The following ADAP1 variants were observed in gnomAD, a reference collection of about 807,000 sequenced individuals.
ADAP1 encodes the protein ArfGAP with dual PH domains 1, also known as arf-GAP with dual PH domain-containing protein 1.
A neutral mutation model predicts 54.9 loss-of-function variants in ADAP1; 31 were observed. That is an observed-to-expected ratio of 0.56 (90% confidence interval 0.42 to 0.76). The LOEUF is 0.76. ADAP1 is among the 30% of genes least tolerant of loss of function. The pLI, the probability that ADAP1 is intolerant of heterozygous loss-of-function variation, is 0.00. For synonymous variants in ADAP1, 313 were observed against 202.6 expected, an observed-to-expected ratio of 1.55 and a Z score of -4.63; for missense variants, 535 against 512.4, an observed-to-expected ratio of 1.04 and a Z score of -0.42.
At chr7:930,739 A>G (rs1031064504) in intron 2 of ADAP1, among the ~76,000 whole-genome samples, 1 of 151,724 alleles carries the variant, frequency 6.6e-6, no homozygotes, top group African/African-American at 2.4e-5. Flanking sequence ...GAATCGCTTG[A>G]ATGTGGGAGG....
intron 4 of ADAP1, among the ~76,000 whole-genome samples, chr7:910,321 C>T (rs1845672594): frequency 6.6e-6 from 1 of 151,992 alleles, no homozygotes; most frequent in Non-Finnish European, 1.5e-5. Context: ...ACTATCACAG[C>T]TCACTGCAGC....
intron 6 of ADAP1, among the ~76,000 whole-genome samples, chr7:901,893 G>A (rs1192260220): frequency 1.3e-5 from 2 of 150,420 alleles, no homozygotes; most frequent in Non-Finnish European, 3.0e-5. Context: ...CAGGTCCCCC[G>A]GAAATGCAGG....
intron 2 of ADAP1, among the ~76,000 whole-genome samples, chr7:931,459 G>A (rs1846574336): frequency 6.6e-6 from 1 of 152,192 alleles, no homozygotes; most frequent in Non-Finnish European, 1.5e-5. Flanking sequence ...TGGCACCGCG[G>A]GAAAGGAGTC....
intron 4 of ADAP1, among the ~76,000 whole-genome samples, chr7:916,584 C>G (rs536752395): frequency 6.6e-6 from 1 of 152,130 alleles, no homozygotes; most frequent in African/African-American, 2.4e-5. Flanking sequence ...AGGAGTGGAG[C>G]GAGGGGTGTG....
chr7:904,961 G>T, intron 5 of ADAP1, 99 bp downstream of exon 5: 1 of 1,017,188 alleles, frequency 9.8e-7, no homozygotes, highest in South Asian at 1.3e-5. Context: ...GCAGCAGGGA[G>T]GGCAGCTGCG....
intron 6 of ADAP1, among the ~76,000 whole-genome samples, chr7:902,831 C>T (rs374355625): frequency 9.9e-5 from 15 of 152,228 alleles, no homozygotes; most frequent in Admixed American, 1.3e-4. Flanking sequence ...GCGGGACAAA[C>T]GTACTAGGAT....
chr7:944,975 C>T (rs1045595684), intron 1 of ADAP1, among the ~76,000 whole-genome samples: 4 of 152,190 alleles, frequency 2.6e-5, no homozygotes, highest in African/African-American at 9.6e-5. Context: ...ACCTCGGAAG[C>T]CCTTGAAGGC....
rs761108673 is a variant in ADAP1 at position 946,000 on chromosome 7, A to G, written c.82+8396T>C. Reference sequence around the variant, plus strand: ...TGACGCACAGCAGAGATCCCGGTGCAATCGAGGCCGGGTCGGACGCTGGCT... The same window carrying G: ...TGACGCACAGCAGAGATCCCGGTGCGATCGAGGCCGGGTCGGACGCTGGCT... On this transcript the variant is annotated intron_variant, in intron 1 of 10. Coordinates refer to ENST00000265846, the MANE Select transcript of ADAP1 (RefSeq NM_006869.4). This position sits in a 1 kb window ranked among gnomAD's most constrained non-coding sequence, Gnocchi z 4.2. 7.2e-5 allele frequency among the ~76,000 whole-genome samples: 11 copies of G among 152,212 alleles called. No homozygotes were observed. The highest frequency in any genetic ancestry group is 1.5e-4 in the Non-Finnish European group (10 of 68,018).
intron 1 of ADAP1, among the ~76,000 whole-genome samples, chr7:944,606 A>G (rs528680739): frequency 1.2e-4 from 18 of 152,258 alleles, no homozygotes; most frequent in South Asian, 8.3e-4. Flanking sequence ...AGAGGTGTAT[A>G]TATTTATGGG....
At chr7:950,276 G>A (rs1204064894) in intron 1 of ADAP1, among the ~76,000 whole-genome samples, 1 of 152,088 alleles carries the variant, frequency 6.6e-6, no homozygotes. Flanking sequence ...ACAAGGTCAG[G>A]AGATCGAGAC....
At position 920,840 on chromosome 7, in the gene ADAP1, C is replaced by T. The variant is rs1039627506; in HGVS notation, c.306-790G>A. ...CGACCCACACACAGGCCCGGCACGG[C>T]CCAGGTGCACAGGCAGCCGCCCCAG... On this transcript the variant is annotated intron_variant, in intron 3 of 10. Transcript: ENST00000265846. This position sits in a 1 kb window ranked among gnomAD's most constrained non-coding sequence, Gnocchi z 4.5. The T allele has an allele frequency of 6.5e-7, 1 of 1,550,214 alleles. No individual in the cohort carries two copies. The highest frequency in any genetic ancestry group is 8.7e-7 in the Non-Finnish European group (1 of 1,146,894).
At chr7:911,097 A>G (rs149803019) in intron 4 of ADAP1, among the ~76,000 whole-genome samples, 176 of 152,284 alleles carry the variant, frequency 1.2e-3, no homozygotes, top group African/African-American at 4.2e-3. Flanking sequence ...GCTGAGAACC[A>G]GCGGGCCGTA....
intron 4 of ADAP1, among the ~76,000 whole-genome samples, chr7:908,390 G>C (rs893299019): frequency 6.6e-6 from 1 of 152,150 alleles, no homozygotes; most frequent in Non-Finnish European, 1.5e-5. Context: ...CCCTCGGGGA[G>C]GGGGCCCTGG....
rs933123881 is a variant in ADAP1, at chr7:938,908, C to A, written c.83-3403G>T. On this transcript the variant is annotated intron_variant, in intron 1 of 10. Coordinates refer to ENST00000265846, the MANE Select transcript of ADAP1 (RefSeq NM_006869.4). This position sits in a 1 kb window ranked among gnomAD's most constrained non-coding sequence, Gnocchi z 4.4. ...GGCTGAGCAACGGCCACCAACAGCT[C>A]CCGCCCAGCCCAGGGTCCAGAATGC... is the stretch of plus-strand genomic sequence containing the variant. Among the ~76,000 whole-genome samples, 5 of 152,336 alleles carry A rather than the reference C, an allele frequency of 3.3e-5. No homozygotes were observed. Among genetic ancestry groups the A allele is most frequent in the East Asian group, 1.9e-4 (1 of 5,188 alleles).
At chr7:944,824 G>T (rs1847098551) in intron 1 of ADAP1, among the ~76,000 whole-genome samples, 1 of 151,958 alleles carries the variant, frequency 6.6e-6, no homozygotes, top group East Asian at 1.9e-4. Flanking sequence ...TCTATTCTTT[G>T]TACCCATTAA....
Position 945,834 on chromosome 7 carries a change from G to A in ADAP1, c.82+8562C>T, listed in dbSNP as rs1046426978. ...GCTGGTCTGGGGCACCTGGGCAGGT[G>A]AGCCACATTCTTGGGCGGAGCCAGG... On this transcript the variant is annotated intron_variant, in intron 1 of 10. Coordinates refer to ENST00000265846, the MANE Select transcript of ADAP1 (RefSeq NM_006869.4). The surrounding 1 kb of genome is among the most constrained non-coding windows in gnomAD (Gnocchi z 4.2). 7.1e-6 allele frequency: 7 copies of A among 985,528 alleles called. No individual in the cohort carries two copies. Among genetic ancestry groups the A allele is most frequent in the African/African-American group, 3.5e-5 (2 of 57,260 alleles). The allele number at this position is 985,528 out of a possible 1,614,324, so 61.0% of individuals were successfully genotyped here.
At chr7:940,986 C>CAG (rs1327089407) in intron 1 of ADAP1, among the ~76,000 whole-genome samples, 2 of 150,904 alleles carry the variant, frequency 1.3e-5, no homozygotes, top group African/African-American at 2.4e-5. Context: ...GAGGATTCAA[C>CAG]AGATGCAAAA....
At chr7:908,497 G>A (rs761351934) in intron 4 of ADAP1, among the ~76,000 whole-genome samples, 4 of 152,106 alleles carry the variant, frequency 2.6e-5, no homozygotes, top group Admixed American at 2.6e-4. Context: ...AGCCCCGTGC[G>A]CACAGCAGCA....
At chr7:931,070 G>A (rs912071864) in intron 2 of ADAP1, among the ~76,000 whole-genome samples, 3 of 150,736 alleles carry the variant, frequency 2.0e-5, no homozygotes, top group Non-Finnish European at 3.0e-5. Flanking sequence ...AAGGAAGGCA[G>A]GAGGGAAGGA....
Sources: allele counts gnomAD v4.1 joint callset (sites outside exome capture counted in the v4.1 genomes callset), GRCh38; gene constraint gnomAD v4.1.1; non-coding constraint Gnocchi (gnomAD v3.1); transcripts MANE v1.5; gene names NCBI Gene and HGNC (gene_info 2026-07-23, HGNC 2026-07-21).